The following PARVA variants were observed in gnomAD, a reference collection of about 807,000 sequenced individuals.
PARVA encodes the protein parvin alpha.
In PARVA, 25 loss-of-function variants were observed where a neutral mutation model predicts 52.6. The observed-to-expected ratio is 0.48, with a 90% CI of 0.35 to 0.66. PARVA has a LOEUF of 0.66. Ranked by LOEUF, PARVA falls within the 30% of genes least tolerant of loss-of-function variation. PARVA has a pLI of 0.01. For missense variants in PARVA, 373 were observed against 450.9 expected (o/e 0.83, Z 1.56); for synonymous variants, 185 against 179.1 (o/e 1.03, Z -0.26).
rs139154841 is a variant in PARVA, at chr11:12,533,600, G to T, written c.*5675G>T. On this transcript the variant is annotated 3_prime_UTR_variant, in exon 13 of 13. Coordinates refer to ENST00000334956, the MANE Select transcript of PARVA (RefSeq NM_018222.5). ...GCATGTAACTTGACTCCCCCAAAAC[G>T]TAACTATAATACTAATAGCCTTACT... 6.6e-6 allele frequency among the ~76,000 whole-genome samples: 1 copy of T among 152,070 alleles called. No homozygotes were observed. Among genetic ancestry groups the T allele is most frequent in the Non-Finnish European group, 1.5e-5 (1 of 68,024 alleles).
chr11:12,481,755 C>G (rs377190834), intron 4 of PARVA, among the ~76,000 whole-genome samples: 1 of 152,026 alleles, frequency 6.6e-6, no homozygotes, highest in Non-Finnish European at 1.5e-5. Flanking sequence ...GTTTGGGCAG[C>G]GAGCTGGAGG....
chr11:12,517,777 A>G, intron 11 of PARVA, 66 bp downstream of exon 11: 1 of 1,098,766 alleles, frequency 9.1e-7, no homozygotes, highest in South Asian at 1.3e-5. Flanking sequence ...GCCCACACCC[A>G]TGCTGGGGCT....
intron 3 of PARVA, among the ~76,000 whole-genome samples, chr11:12,474,904 T>A (rs1353988652): frequency 6.6e-6 from 1 of 150,672 alleles, no homozygotes; most frequent in Non-Finnish European, 1.5e-5. Flanking sequence ...AGGCAGAGGT[T>A]GCAGTGAGCC....
At chr11:12,381,690 A>G (rs1227381606) in intron 1 of PARVA, among the ~76,000 whole-genome samples, 4 of 152,230 alleles carry the variant, frequency 2.6e-5, no homozygotes, top group Admixed American at 2.6e-4. Context: ...TATACTTAAC[A>G]ATAAACAAAC....
At chr11:12,516,109 G>C (rs761189211) in intron 10 of PARVA, among the ~76,000 whole-genome samples, 5 of 152,216 alleles carry the variant, frequency 3.3e-5, no homozygotes, top group African/African-American at 1.2e-4. Flanking sequence ...AAAGTGCTGC[G>C]ATTACAGGCA....
chr11:12,429,807 C>G (rs1940290977), intron 1 of PARVA, among the ~76,000 whole-genome samples: 1 of 152,194 alleles, frequency 6.6e-6, no homozygotes, highest in Non-Finnish European at 1.5e-5. Flanking sequence ...CTCCCACAAG[C>G]TTAGCGTTCC....
intron 10 of PARVA, 131 bp from the exon 11 acceptor site, chr11:12,517,479 C>T: frequency 1.4e-6 from 1 of 692,788 alleles, no homozygotes; most frequent in Admixed American, 2.2e-5. Flanking sequence ...GCCACTGCCC[C>T]TACCCCCGAG....
Position 12,483,469 on chromosome 11 carries a change from G to A in PARVA, c.400+5520G>A, listed in dbSNP as rs543917985. Among the ~76,000 whole-genome samples, 4 of 152,314 alleles carry A rather than the reference G, an allele frequency of 2.6e-5. No homozygotes were observed. In the South Asian group the frequency reaches 6.2e-4, roughly 24 times the overall value. ...ATAGCTGGGCCCTCTGAGAAACCAC[G>A]TAACAACACATCTCAGAATCACCCT... On this transcript the variant is annotated intron_variant, in intron 4 of 12. Coordinates refer to ENST00000334956, the MANE Select transcript of PARVA (RefSeq NM_018222.5).
intron 4 of PARVA, among the ~76,000 whole-genome samples, chr11:12,495,629 T>TA (rs148569350): frequency 6.7e-6 from 1 of 149,448 alleles, no homozygotes; most frequent in African/African-American, 2.5e-5. Flanking sequence ...TCCTTTTTTT[T>TA]AAGTATTAAG....
chr11:12,464,357 C>G (rs1453376624), intron 1 of PARVA, among the ~76,000 whole-genome samples: 1 of 152,198 alleles, frequency 6.6e-6, no homozygotes, highest in Non-Finnish European at 1.5e-5. Context: ...TATCTATAAC[C>G]TCCCACTCCA....
intron 1 of PARVA, among the ~76,000 whole-genome samples, chr11:12,406,970 T>C (rs903221857): frequency 6.6e-6 from 1 of 152,100 alleles, no homozygotes; most frequent in Non-Finnish European, 1.5e-5. Flanking sequence ...GTGCCTGGCC[T>C]GTATCTGGTT....
intron 1 of PARVA, among the ~76,000 whole-genome samples, chr11:12,446,947 T>C (rs190946627): frequency 2.6e-5 from 4 of 152,336 alleles, no homozygotes; most frequent in Admixed American, 2.6e-4. Flanking sequence ...TGGTTGTGTC[T>C]TTAGAAAAAT....
At chr11:12,377,934 G>A (rs1244746422) in intron 1 of PARVA, among the ~76,000 whole-genome samples, 151 bp downstream of exon 1, 1 of 148,322 alleles carries the variant, frequency 6.7e-6, no homozygotes, top group Non-Finnish European at 1.5e-5. Flanking sequence ...TCCCGGGTAC[G>A]TCGGGCAGGA....
At chr11:12,404,069 G>A (rs1313877364) in intron 1 of PARVA, among the ~76,000 whole-genome samples, 1 of 151,398 alleles carries the variant, frequency 6.6e-6, no homozygotes, top group Non-Finnish European at 1.5e-5. Context: ...CGCACCCCAG[G>A]CAGCTGCCCA....
At chr11:12,489,156 C>T (rs558028543) in intron 4 of PARVA, among the ~76,000 whole-genome samples, 23 of 149,144 alleles carry the variant, frequency 1.5e-4, no homozygotes, top group African/African-American at 5.7e-4. Flanking sequence ...GAGACCCCAC[C>T]TCTATTTAAA....
intron 1 of PARVA, among the ~76,000 whole-genome samples, chr11:12,406,046 G>A (rs1488473233): frequency 1.3e-5 from 2 of 152,186 alleles, no homozygotes; most frequent in Non-Finnish European, 2.9e-5. Context: ...TTTTAGCTTT[G>A]TTTTTACAAA....
intron 5 of PARVA, among the ~76,000 whole-genome samples, chr11:12,499,947 A>C (rs1589981611): frequency 6.6e-6 from 1 of 152,188 alleles, no homozygotes; most frequent in African/African-American, 2.4e-5. Context: ...CATTGTATGG[A>C]TCTACCATAA....
intron 12 of PARVA, among the ~76,000 whole-genome samples, chr11:12,523,771 A>AG: frequency 6.6e-6 from 1 of 152,294 alleles, no homozygotes; most frequent in East Asian, 1.9e-4. Context: ...GCCTCCAGAG[A>AG]GGGGCCCTGG....
At chr11:12,484,394 C>T (rs1304316825) in intron 4 of PARVA, among the ~76,000 whole-genome samples, 1 of 152,066 alleles carries the variant, frequency 6.6e-6, no homozygotes, top group East Asian at 1.9e-4. Flanking sequence ...CAGGGCTCTT[C>T]TTTCTGGTTT....
Sources: allele counts gnomAD v4.1 joint callset (sites outside exome capture counted in the v4.1 genomes callset), GRCh38; gene constraint gnomAD v4.1.1; transcripts MANE v1.5; gene names NCBI Gene and HGNC (gene_info 2026-07-23, HGNC 2026-07-21).